NDE1: variants seen among roughly 807,000 people sequenced by gnomAD.
NDE1 encodes nudE neurodevelopment protein 1, also known as nuclear distribution protein nudE homolog 1.
NDE1 carries 28 observed loss-of-function variants against 43.4 expected under a neutral mutation model. The ratio of observed to expected loss-of-function variants is 0.65; its 90% CI spans 0.48 to 0.89. NDE1 has a LOEUF of 0.89. Among genes scored for constraint, NDE1 ranks in the 40% least tolerant of loss-of-function variants. The probability of loss-of-function intolerance (pLI) is 0.00; values close to 1 mark genes in which losing one functional copy is unlikely to be tolerated. For missense variants in NDE1, 441 were observed against 434.1 expected (o/e 1.02, Z -0.14); for synonymous variants, 184 against 172.0 (o/e 1.07, Z -0.55).
At chr16:15,721,800 C>G (rs544954985) in intron 8 of NDE1, 8 of 695,012 alleles carry the variant, frequency 1.2e-5, no homozygotes, top group Non-Finnish European at 2.0e-5. Context: ...GGCGTTCTGA[C>G]TTCTACATCA....
In NDE1 at chr16:15,667,416, C is replaced by G. The variant is rs777008106; in HGVS notation, c.214C>G (p.Arg72Gly). Residue 72 changes from arginine (R) to glycine (G), a missense_variant, in exon 3 of 9, where the codon CGC becomes GGC. By Grantham distance (125) the Arg-to-Gly change is moderately radical. Coordinates refer to ENST00000396354, the MANE Select transcript of NDE1 (RefSeq NM_017668.3). ...CCTCCTGTCCGAAAATAACCGCCTT[C>G]GCATGGAGCTGGAAACCATCAAGGT... ...RDLLSENNRL[R>G]MELETIKEKF... 3.7e-6 allele frequency: 6 copies of G among 1,613,676 alleles called. No homozygotes were observed. The highest frequency in any genetic ancestry group is 5.1e-6 in the Non-Finnish European group (6 of 1,179,884).
intron 8 of NDE1, among the ~76,000 whole-genome samples, chr16:15,710,245 G>A (rs960983209): frequency 3.3e-5 from 5 of 152,070 alleles, no homozygotes; most frequent in East Asian, 1.9e-4. Context: ...TGGGCCGGCC[G>A]GGCATGGTGG....
intron 1 of NDE1, among the ~76,000 whole-genome samples, chr16:15,655,273 C>A (rs755141046): frequency 3.9e-5 from 6 of 152,138 alleles, no homozygotes; most frequent in Non-Finnish European, 7.3e-5. Flanking sequence ...CCACCTCAGC[C>A]TCCCAAAGTG....
At chr16:15,698,927 C>T (rs932109342) in intron 8 of NDE1, among the ~76,000 whole-genome samples, 2 of 152,038 alleles carry the variant, frequency 1.3e-5, no homozygotes, top group Non-Finnish European at 2.9e-5. Flanking sequence ...CTGTGTCACC[C>T]AGGCTGGAGT....
chr16:15,690,877 A>G (rs1294965666), intron 5 of NDE1, among the ~76,000 whole-genome samples: 1 of 152,098 alleles, frequency 6.6e-6, no homozygotes, highest in Non-Finnish European at 1.5e-5. Flanking sequence ...GAGCAATCTC[A>G]GCTCACTGCC....
intron 8 of NDE1, among the ~76,000 whole-genome samples, chr16:15,702,745 G>A (rs908764072): frequency 2.0e-5 from 3 of 152,110 alleles, no homozygotes; most frequent in Admixed American, 6.5e-5. Context: ...CTGACTCATT[G>A]GACAAGACCT....
intron 8 of NDE1, among the ~76,000 whole-genome samples, chr16:15,712,694 G>A (rs1378800657): frequency 6.6e-6 from 1 of 151,922 alleles, no homozygotes; most frequent in African/African-American, 2.4e-5. Context: ...CCCACAGGTC[G>A]GGGGACAAGC....
chr16:15,711,786 A>T (rs186005664), intron 8 of NDE1, among the ~76,000 whole-genome samples: 345 of 152,174 alleles, frequency 2.3e-3, no homozygotes, highest in African/African-American at 7.9e-3. Context: ...TGTGTCTCCC[A>T]GGTTCAAGCG....
intron 8 of NDE1, among the ~76,000 whole-genome samples, chr16:15,716,845 C>T (rs940736824): frequency 4.6e-5 from 7 of 152,186 alleles, no homozygotes; most frequent in Non-Finnish European, 2.9e-5. Context: ...AGCATGCTAT[C>T]CCTGCAGAGG....
chr16:15,655,226 C>G (rs2036702420), intron 1 of NDE1, among the ~76,000 whole-genome samples: 2 of 152,098 alleles, frequency 1.3e-5, no homozygotes, highest in South Asian at 4.1e-4. Context: ...CCATGTTGCC[C>G]AGGCTGGTCT....
At chr16:15,680,599 G>T (rs1263798167) in intron 4 of NDE1, among the ~76,000 whole-genome samples, 1 of 152,124 alleles carries the variant, frequency 6.6e-6, no homozygotes, top group Non-Finnish European at 1.5e-5. Context: ...GAGTTCAGTG[G>T]TGTGATCTCA....
chr16:15,721,378 G>A (rs1471684327), intron 8 of NDE1: 3 of 1,592,198 alleles, frequency 1.9e-6, no homozygotes, highest in Admixed American at 3.3e-5. Flanking sequence ...ACAGAGGGTG[G>A]GCAGGCGAAA....
At chr16:15,707,758 A>T (rs1294060692) in intron 8 of NDE1, among the ~76,000 whole-genome samples, 1 of 152,092 alleles carries the variant, frequency 6.6e-6, no homozygotes, top group Admixed American at 6.6e-5. Flanking sequence ...GATCACCTGA[A>T]GTCAGGAGTT....
chr16:15,667,622 TTTTTG>T (rs2037374157), intron 3 of NDE1, among the ~76,000 whole-genome samples, 183 bp downstream of exon 3: 1 of 114,144 alleles, frequency 8.8e-6, no homozygotes, highest in Non-Finnish European at 1.9e-5. Flanking sequence ...TGGGTGGTGC[TTTTTG>T]TTTTGTTTTT....
At chr16:15,694,299 C>T (rs1467007032) in intron 7 of NDE1, 43 bp downstream of exon 7, 1 of 1,603,166 alleles carries the variant, frequency 6.2e-7, no homozygotes, top group East Asian at 2.3e-5. Flanking sequence ...TCCTGCCTGT[C>T]TTTCAGGATG....
At chr16:15,714,609 G>A in intron 8 of NDE1, 1 of 533,624 alleles carries the variant, frequency 1.9e-6, no homozygotes, top group East Asian at 3.3e-5. Flanking sequence ...CAATGAAGGA[G>A]GGGCTGGAGG....
At position 15,725,746 on chromosome 16, in the gene NDE1, T is replaced by G. The variant is rs748823178; in HGVS notation, c.*1495T>G. 4 of 398,608 alleles carry G rather than the reference T, an allele frequency of 1.0e-5. No individual in the cohort carries two copies. Among genetic ancestry groups the G allele is most frequent in the Non-Finnish European group, 1.8e-5 (4 of 226,132 alleles). 24.7% of individuals were successfully genotyped at this position (398,608 alleles called of 1,614,324 possible). A position where few individuals can be genotyped will look rare whatever the true frequency, so the allele number is the denominator to read the frequency against. On this transcript the variant is annotated 3_prime_UTR_variant, in exon 9 of 9. Coordinates refer to ENST00000396354, the MANE Select transcript of NDE1 (RefSeq NM_017668.3). ...GACATGTTAAACATTTGTGAAAACT[T>G]TGGCCACGTCCCCATGAGTGGCAAG...
chr16:15,643,998 C>G (rs2036228080), intron 1 of NDE1: 1 of 151,768 alleles, frequency 6.6e-6, no homozygotes, highest in South Asian at 2.1e-4. Context: ...AAAAAAATAG[C>G]GCCCCACAAT....
intron 6 of NDE1, among the ~76,000 whole-genome samples, 163 bp downstream of exon 6, chr16:15,691,486 A>C (rs2038751749): frequency 6.6e-6 from 1 of 151,962 alleles, no homozygotes; most frequent in Admixed American, 6.6e-5. Flanking sequence ...GGGGATGGGC[A>C]TTGAGATCAG....
Sources: allele counts gnomAD v4.1 joint callset (sites outside exome capture counted in the v4.1 genomes callset), GRCh38; gene constraint gnomAD v4.1.1; transcripts MANE v1.5; gene names NCBI Gene and HGNC (gene_info 2026-07-23, HGNC 2026-07-21).